The following GAS2 variants were observed in gnomAD, a reference collection of about 807,000 sequenced individuals.
The protein encoded by GAS2 is growth arrest-specific protein 2.
A neutral mutation model predicts 37.5 loss-of-function variants in GAS2; 20 were observed. The ratio of observed to expected loss-of-function variants is 0.53; its 90% CI spans 0.37 to 0.77. GAS2 has a LOEUF of 0.77. Among genes scored for constraint, GAS2 ranks in the 30% least tolerant of loss-of-function variants. The pLI, the probability that GAS2 is intolerant of heterozygous loss-of-function variation, is 0.00. For missense variants in GAS2, 336 were observed against 373.4 expected (o/e 0.90, Z 0.82); for synonymous variants, 144 against 132.2 (o/e 1.09, Z -0.61).
At chr11:22,659,101 G>A (rs1848888046) in intron 1 of GAS2, among the ~76,000 whole-genome samples, 1 of 152,192 alleles carries the variant, frequency 6.6e-6, no homozygotes, top group African/African-American at 2.4e-5. Context: ...CAATGTGACT[G>A]GATTAAGGAA....
chr11:22,744,578 CTT>C (rs1853272770), intron 5 of GAS2, among the ~76,000 whole-genome samples: 1 of 152,054 alleles, frequency 6.6e-6, no homozygotes, highest in Admixed American at 6.6e-5. Flanking sequence ...ATTGAAAAAA[CTT>C]TGGATAAAAT....
chr11:22,646,813 TCTCC>T (rs1392835091), intron 1 of GAS2, among the ~76,000 whole-genome samples: 6 of 151,990 alleles, frequency 3.9e-5, no homozygotes, highest in Non-Finnish European at 7.4e-5. Flanking sequence ...TATAAACTTC[TCTCC>T]CTCCCTCCCT....
intron 1 of GAS2, among the ~76,000 whole-genome samples, chr11:22,631,774 A>C (rs1171403065): frequency 3.3e-5 from 5 of 151,628 alleles, no homozygotes; most frequent in Non-Finnish European, 7.4e-5. Context: ...ATTGGTCTGT[A>C]ATTTTCCTTT....
chr11:22,779,051 T>G (rs1855412171), intron 7 of GAS2, among the ~76,000 whole-genome samples: 1 of 151,856 alleles, frequency 6.6e-6, no homozygotes, highest in Non-Finnish European at 1.5e-5. Context: ...TTTTGTTTTT[T>G]TTTTTTTCTC....
chr11:22,661,812 C>T (rs944792577), upstream of GAS2, among the ~76,000 whole-genome samples: 15 of 152,038 alleles, frequency 9.9e-5, no homozygotes, highest in African/African-American at 3.1e-4. Flanking sequence ...GAGACCTTAC[C>T]TCACTTTTTA....
intron 3 of GAS2, among the ~76,000 whole-genome samples, chr11:22,696,097 C>A (rs534792966): frequency 4.5e-4 from 64 of 141,716 alleles, no homozygotes; most frequent in Non-Finnish European, 8.6e-4. Context: ...CCCCCCTCCC[C>A]CCACTCCACA....
At chr11:22,639,330 C>T (rs1436586723) in intron 1 of GAS2, among the ~76,000 whole-genome samples, 9 of 152,156 alleles carry the variant, frequency 5.9e-5, no homozygotes, top group African/African-American at 2.2e-4. Context: ...GATTTCCTCT[C>T]TCTCTTGCTG....
At chr11:22,750,424 C>A (rs1853663130) in intron 6 of GAS2, among the ~76,000 whole-genome samples, 1 of 152,044 alleles carries the variant, frequency 6.6e-6, no homozygotes, top group Admixed American at 6.6e-5. Flanking sequence ...TAAGAACCCT[C>A]ATTTCTGTTA....
chr11:22,697,949 G>A (rs1165276021), intron 3 of GAS2, among the ~76,000 whole-genome samples: 8 of 151,922 alleles, frequency 5.3e-5, no homozygotes, highest in Middle Eastern at 3.2e-3. Context: ...CTTCTGCTGC[G>A]TAATTGCCCT....
intron 7 of GAS2, among the ~76,000 whole-genome samples, chr11:22,758,913 C>A (rs867490520): frequency 4.9e-4 from 36 of 73,288 alleles, no homozygotes; most frequent in Non-Finnish European, 6.8e-4. Flanking sequence ...AACTCCGTCT[C>A]AAAAAAAAAA....
At chr11:22,688,171 C>T (rs184711682) in intron 3 of GAS2, among the ~76,000 whole-genome samples, 53 of 152,182 alleles carry the variant, frequency 3.5e-4, no homozygotes, top group Admixed American at 2.1e-3. Flanking sequence ...GTGTCTGAGC[C>T]GTACTTTCCT....
chr11:22,688,689 C>T (rs1017538347), intron 3 of GAS2, among the ~76,000 whole-genome samples: 12 of 151,932 alleles, frequency 7.9e-5, no homozygotes, highest in Admixed American at 2.6e-4. Flanking sequence ...GAAATAGTTC[C>T]GTGAACCTGA....
intron 7 of GAS2, among the ~76,000 whole-genome samples, chr11:22,757,998 A>G (rs1165680440): frequency 6.6e-6 from 1 of 152,202 alleles, no homozygotes; most frequent in Non-Finnish European, 1.5e-5. Flanking sequence ...GTTAACTAGA[A>G]AAACTAAACA....
At chr11:22,654,988 T>G (rs909782988) in intron 1 of GAS2, among the ~76,000 whole-genome samples, 2 of 152,204 alleles carry the variant, frequency 1.3e-5, no homozygotes, top group Non-Finnish European at 2.9e-5. Flanking sequence ...GAAAATTGAA[T>G]GGCAACCTTA....
At chr11:22,777,088 G>A (rs1474180766) in intron 7 of GAS2, among the ~76,000 whole-genome samples, 1 of 152,176 alleles carries the variant, frequency 6.6e-6, no homozygotes, top group African/African-American at 2.4e-5. Flanking sequence ...AACATTAGCT[G>A]AAGGAAAAGG....
At chr11:22,673,853 G>A (rs1170873281) in intron 1 of GAS2, among the ~76,000 whole-genome samples, 1 of 152,176 alleles carries the variant, frequency 6.6e-6, no homozygotes, top group Non-Finnish European at 1.5e-5. Context: ...AATATGATCA[G>A]GTTAATGAAA....
In GAS2 at chr11:22,646,615, A is replaced by G. The variant is rs773095616; in HGVS notation, c.-21+20802A>G. 1.1e-4 allele frequency among the ~76,000 whole-genome samples: 17 copies of G among 152,374 alleles called. No individual in the cohort carries two copies. In the East Asian group the frequency reaches 1.2e-3, roughly 10 times the overall value. ...ATATGCAACTGAAACTTTTAAAACAAAAATCTATTTTGAGAAAGGCACGGT... is the reference window on the plus strand; with the variant it reads ...ATATGCAACTGAAACTTTTAAAACAGAAATCTATTTTGAGAAAGGCACGGT... On this transcript the variant is annotated intron_variant, in intron 1 of 5. Transcript: ENST00000528582.
At chr11:22,641,827 C>G (rs1848633096) in intron 1 of GAS2, among the ~76,000 whole-genome samples, 1 of 152,072 alleles carries the variant, frequency 6.6e-6, no homozygotes, top group Non-Finnish European at 1.5e-5. Flanking sequence ...GATGAGCAGT[C>G]TAATACAGTG....
chr11:22,642,542 G>A (rs1055984786), intron 1 of GAS2, among the ~76,000 whole-genome samples: 1 of 151,890 alleles, frequency 6.6e-6, no homozygotes, highest in African/African-American at 2.4e-5. Context: ...CTCTTTAAGG[G>A]CCCCTGGATA....
Sources: allele counts gnomAD v4.1 joint callset (sites outside exome capture counted in the v4.1 genomes callset), GRCh38; gene constraint gnomAD v4.1.1; transcripts MANE v1.5; gene names NCBI Gene and HGNC (gene_info 2026-07-23, HGNC 2026-07-21).